L3MBTL3: variants seen among roughly 807,000 people sequenced by gnomAD.
L3MBTL3 encodes lethal(3)malignant brain tumor-like protein 3.
Under a neutral mutation model 102.3 loss-of-function variants are expected in L3MBTL3, and 27 were observed. The ratio of observed to expected loss-of-function variants is 0.26; its 90% CI spans 0.19 to 0.36. The LOEUF is 0.36. Among genes scored for constraint, L3MBTL3 ranks in the 10% least tolerant of loss-of-function variants. L3MBTL3 has a pLI of 1.00. For synonymous variants in L3MBTL3, 340 were observed against 320.9 expected (o/e 1.06, Z -0.64); for missense variants, 798 against 955.3 (o/e 0.84, Z 2.17).
chr6:130,120,838 A>G (rs1436405449), intron 19 of L3MBTL3, 41 bp from the exon 20 acceptor site: 1 of 1,481,732 alleles, frequency 6.7e-7, no homozygotes, highest in African/African-American at 1.4e-5. Context: ...TTTTTTTAAA[A>G]TGTTTCTCTT....
intron 16 of L3MBTL3, among the ~76,000 whole-genome samples, chr6:130,090,839 G>C (rs1783995852): frequency 6.6e-6 from 1 of 151,832 alleles, no homozygotes; most frequent in Non-Finnish European, 1.5e-5. Context: ...CTCCCTCCTT[G>C]GCCTCCCAAA....
chr6:130,052,817 G>A lies in L3MBTL3; in HGVS notation c.450-42G>A, dbSNP rs148444984. The stretch of plus-strand genomic sequence containing the variant: ...TAATCAACAAGTAGATGTTTGATAG[G>A]TATTGTCTCTTGTCACTATTTTGGG... On this transcript the variant is annotated intron_variant, in intron 6 of 22. Coordinates refer to ENST00000361794, the MANE Select transcript of L3MBTL3 (RefSeq NM_032438.4). 292 of 1,592,236 alleles carry A rather than the reference G, an allele frequency of 1.8e-4. No individual in the cohort carries two copies. In the East Asian group the frequency reaches 5.9e-3, roughly 32 times the overall value.
At chr6:130,029,537 A>G (rs1779577996) in intron 2 of L3MBTL3, among the ~76,000 whole-genome samples, 1 of 152,174 alleles carries the variant, frequency 6.6e-6, no homozygotes, top group East Asian at 1.9e-4. Context: ...TCTTTATAAG[A>G]ACTTGGCAAA....
chr6:130,127,561 T>G (rs1428373574), intron 20 of L3MBTL3, among the ~76,000 whole-genome samples: 4 of 152,162 alleles, frequency 2.6e-5, no homozygotes, highest in Non-Finnish European at 4.4e-5. Context: ...TGGTAAACAA[T>G]AGAGGCAGGC....
At chr6:130,117,473 C>T (rs2115463814) in intron 19 of L3MBTL3, among the ~76,000 whole-genome samples, 1 of 152,194 alleles carries the variant, frequency 6.6e-6, no homozygotes, top group Non-Finnish European at 1.5e-5. Flanking sequence ...TGTACTGTAA[C>T]ATTATCCCAG....
At chr6:130,079,428 C>T (rs1312647498) in intron 14 of L3MBTL3, among the ~76,000 whole-genome samples, 3 of 152,056 alleles carry the variant, frequency 2.0e-5, no homozygotes, top group Non-Finnish European at 4.4e-5. Flanking sequence ...TGTTTTATAT[C>T]ATTTTGAGTT....
At chr6:130,088,291 A>G (rs1249188096) in intron 16 of L3MBTL3, among the ~76,000 whole-genome samples, 1 of 152,216 alleles carries the variant, frequency 6.6e-6, no homozygotes, top group Non-Finnish European at 1.5e-5. Flanking sequence ...AGGCTTGTAT[A>G]CAGGGGTCAG....
chr6:130,070,648 A>G (rs570208699), intron 12 of L3MBTL3, among the ~76,000 whole-genome samples: 111 of 152,304 alleles, frequency 7.3e-4, no homozygotes, highest in African/African-American at 2.6e-3. Context: ...TATGGTGAAT[A>G]AAACTTGCCT....
chr6:130,082,366 A>G (rs776888575), intron 14 of L3MBTL3, among the ~76,000 whole-genome samples: 7 of 152,212 alleles, frequency 4.6e-5, no homozygotes, highest in Non-Finnish European at 1.0e-4. Context: ...ATACAAAATT[A>G]GTTGATATTT....
At chr6:130,051,506 C>A in intron 6 of L3MBTL3, 98 bp downstream of exon 6, 1 of 1,049,096 alleles carries the variant, frequency 9.5e-7, no homozygotes, top group Non-Finnish European at 1.4e-6. Context: ...ACATTGATCA[C>A]CTATTGATAC....
At chr6:130,079,282 C>A (rs1783159572) in intron 14 of L3MBTL3, among the ~76,000 whole-genome samples, 2 of 152,122 alleles carry the variant, frequency 1.3e-5, no homozygotes, top group Admixed American at 6.5e-5. Flanking sequence ...GATTTTGCAC[C>A]TTCATGCTAG....
At chr6:130,072,047 G>T (rs1250295369) in intron 13 of L3MBTL3, among the ~76,000 whole-genome samples, 4 of 152,184 alleles carry the variant, frequency 2.6e-5, no homozygotes, top group Non-Finnish European at 5.9e-5. Flanking sequence ...TTAGTTCCAT[G>T]ATTAGATTAC....
intron 16 of L3MBTL3, among the ~76,000 whole-genome samples, chr6:130,086,922 A>G (rs1355358792): frequency 6.6e-6 from 1 of 152,252 alleles, no homozygotes; most frequent in Admixed American, 6.5e-5. Flanking sequence ...GAATAGTTAT[A>G]ACAGCAAGAC....
intron 16 of L3MBTL3, among the ~76,000 whole-genome samples, chr6:130,091,128 A>T (rs1420953371): frequency 6.6e-6 from 1 of 152,084 alleles, no homozygotes; most frequent in Non-Finnish European, 1.5e-5. Context: ...TTAAATTTTC[A>T]TGTAATCAAA....
chr6:130,077,046 C>T (rs1269445092), intron 13 of L3MBTL3, among the ~76,000 whole-genome samples: 1 of 152,002 alleles, frequency 6.6e-6, no homozygotes, highest in East Asian at 1.9e-4. Context: ...AAAATAAACA[C>T]TGTGAGTCCG....
intron 18 of L3MBTL3, 28 bp downstream of exon 18, chr6:130,094,395 C>T (rs376404049): frequency 3.4e-6 from 5 of 1,487,242 alleles, no homozygotes; most frequent in Middle Eastern, 1.7e-4. Flanking sequence ...CTCACTTGGT[C>T]AGATATAGGT....
intron 19 of L3MBTL3, among the ~76,000 whole-genome samples, chr6:130,118,972 G>A (rs1785925399): frequency 6.6e-6 from 1 of 152,192 alleles, no homozygotes. Flanking sequence ...AAGAAAACAA[G>A]GGAACTTTTT....
chr6:130,104,487 T>TG lies in L3MBTL3; in HGVS notation c.1798_1799insG (p.Leu600CysfsTer4), dbSNP rs757882969. On this transcript the variant is annotated frameshift_variant, in exon 19 of 23. Coordinates refer to ENST00000361794, the MANE Select transcript of L3MBTL3 (RefSeq NM_032438.4). LOFTEE classifies it high-confidence loss of function. Reference sequence around the variant, plus strand: ...TAAAGACCGTATTTTTCCAGACCGCTTAAGTGGTGAGATGCCTCCGGCTAG... The same window carrying TG: ...TAAAGACCGTATTTTTCCAGACCGCTGTAAGTGGTGAGATGCCTCCGGCTAG... 70 of 1,602,260 alleles carry TG rather than the reference T, an allele frequency of 4.4e-5. No individual in the cohort carries two copies. The highest frequency in any genetic ancestry group is 5.7e-5 in the Non-Finnish European group (67 of 1,174,536).
intron 13 of L3MBTL3, among the ~76,000 whole-genome samples, chr6:130,071,969 T>C (rs978496860): frequency 6.6e-6 from 1 of 152,296 alleles, no homozygotes; most frequent in African/African-American, 2.4e-5. Context: ...TTGCTATTCA[T>C]ATTTTTAAAA....
Sources: allele counts gnomAD v4.1 joint callset (sites outside exome capture counted in the v4.1 genomes callset), GRCh38; gene constraint gnomAD v4.1.1; transcripts MANE v1.5; gene names NCBI Gene and HGNC (gene_info 2026-07-23, HGNC 2026-07-21).